WDR86: variants seen among roughly 807,000 people sequenced by gnomAD.
WDR86 encodes WD repeat-containing protein 86.
WDR86 carries 30 observed loss-of-function variants against 36.5 expected under a neutral mutation model. The observed-to-expected ratio is 0.82, with a 90% CI of 0.61 to 1.11. The LOEUF is 1.11. WDR86 is among the 50% of genes most tolerant of loss of function. WDR86 has a pLI of 0.00. For missense variants in WDR86, 545 were observed against 561.2 expected, an observed-to-expected ratio of 0.97 and a Z score of 0.29; for synonymous variants, 255 against 252.9, an observed-to-expected ratio of 1.01 and a Z score of -0.08.
At chr7:151,371,647 C>T (rs147429602), downstream of WDR86, among the ~76,000 whole-genome samples, 613 of 152,310 alleles carry the variant, frequency 4.0e-3, 8 homozygotes, top group African/African-American at 0.014. Context: ...AGAAAGTGAG[C>T]TCCTATCGGA....
downstream of WDR86, chr7:151,376,585 C>G (rs1450886579): frequency 3.3e-6 from 5 of 1,523,712 alleles, no homozygotes; most frequent in Non-Finnish European, 4.4e-6. Flanking sequence ...ACGGGGGTGG[C>G]AGAAGAGGCG....
At chr7:151,383,981 G>A (rs1053356690) in intron 4 of WDR86, among the ~76,000 whole-genome samples, 5 of 152,198 alleles carry the variant, frequency 3.3e-5, no homozygotes, top group Admixed American at 2.6e-4. Flanking sequence ...CCAGACTTGG[G>A]AACAGAGCCG....
At position 151,385,156 on chromosome 7, in the gene WDR86, C is replaced by T. The variant is rs377618309; in HGVS notation, c.794G>A (p.Gly265Glu). Reference protein sequence around the residue: ...RTVKCWLADTGECVRTFTAHR... With the variant: ...RTVKCWLADTEECVRTFTAHR... ...GGCCGTGAACGTGCGCACACACTCC[C>T]CTGTGTCTGCCAGCCAGCACTTGAC... Residue 265 changes from glycine (G) to glutamate (E), a missense_variant, in exon 4 of 6, where the codon GGG becomes GAG. Gly to Glu is a moderately conservative substitution (Grantham distance 98). Coordinates refer to ENST00000334493, the MANE Select transcript of WDR86 (RefSeq NM_198285.3). The T allele has an allele frequency of 6.2e-7, 1 of 1,613,054 alleles. No individual in the cohort carries two copies. Among genetic ancestry groups the T allele is most frequent in the African/African-American group, 1.3e-5 (1 of 74,934 alleles).
In WDR86 at chr7:151,388,667, C is replaced by G. The variant is rs945421395; in HGVS notation, c.727-3444G>C. ...AAAGGCGAGGGAGGCAGAGGCCCCT[C>G]TGGGCACGGTGGTTTCTCAGGACCT... On this transcript the variant is annotated intron_variant, in intron 3 of 5. Transcript: ENST00000334493. This position sits in a 1 kb window ranked among gnomAD's most constrained non-coding sequence, Gnocchi z 4.2. Among the ~76,000 whole-genome samples, 11 of 152,242 alleles carry G rather than the reference C, an allele frequency of 7.2e-5. No individual in the cohort carries two copies. The highest frequency in any genetic ancestry group is 2.7e-4 in the African/African-American group (11 of 41,476).
At chr7:151,376,315 C>T (rs550886920), downstream of WDR86, 20 of 479,434 alleles carry the variant, frequency 4.2e-5, no homozygotes, top group African/African-American at 2.1e-4. Flanking sequence ...TGCCCCTACA[C>T]GCGTTAGCAC....
Position 151,409,290 on chromosome 7 carries a change from GC to G in WDR86, c.163+136del. 7.4e-7 allele frequency: 1 copy of G among 1,351,718 alleles called. No individual in the cohort carries two copies. Among genetic ancestry groups the G allele is most frequent in the Non-Finnish European group, 1.0e-6 (1 of 986,188 alleles). The allele number at this position is 1,351,718 out of a possible 1,614,324, so 83.7% of individuals were successfully genotyped here. On this transcript the variant is annotated intron_variant, in intron 1 of 5. Transcript: ENST00000334493. The surrounding 1 kb of genome is among the most constrained non-coding windows in gnomAD (Gnocchi z 5.2). ...ACAGCCAGATGCTGGGCCCAGACAAGCGCTCTTCCGCTAGTGTGCCGGGATG... is the reference window on the plus strand; with the variant it reads ...ACAGCCAGATGCTGGGCCCAGACAAGGCTCTTCCGCTAGTGTGCCGGGATG...
chr7:151,375,729 C>G, downstream of WDR86: 1 of 682,738 alleles, frequency 1.5e-6, no homozygotes, highest in East Asian at 2.7e-5. Context: ...GAGCCCCTTT[C>G]TCTGCCTCAT....
chr7:151,368,974 T>C, the WDR86 span: 2 of 1,327,850 alleles, frequency 1.5e-6, no homozygotes, highest in Admixed American at 3.1e-5. Flanking sequence ...CCAGGAACTC[T>C]TTATTACTCC....
intron 4 of WDR86, among the ~76,000 whole-genome samples, chr7:151,384,243 T>C (rs1234035745): frequency 6.6e-6 from 1 of 152,194 alleles, no homozygotes; most frequent in African/African-American, 2.4e-5. Context: ...AGACAGCAGG[T>C]TGCCTGCCCA....
chr7:151,381,415 TG>T lies in WDR86; in HGVS notation c.*166del. The T allele has an allele frequency of 6.7e-7, 1 of 1,487,920 alleles. No individual in the cohort carries two copies. Among genetic ancestry groups the T allele is most frequent in the Non-Finnish European group, 8.9e-7 (1 of 1,126,932 alleles). The allele number at this position is 1,487,920 out of a possible 1,614,324, so 92.2% of individuals were successfully genotyped here. On this transcript the variant is annotated 3_prime_UTR_variant, in exon 6 of 6. Transcript: ENST00000334493. This position sits in a 1 kb window ranked among gnomAD's most constrained non-coding sequence, Gnocchi z 4.8. The stretch of plus-strand genomic sequence containing the variant: ...GAGCACTCCCGCTCCCAGCGCCTCC[TG>T]GCCACCAAAGAAAAACCAGACGCCT...
intron 3 of WDR86, among the ~76,000 whole-genome samples, chr7:151,392,785 T>C (rs1799528232): frequency 6.6e-6 from 1 of 152,180 alleles, no homozygotes; most frequent in Non-Finnish European, 1.5e-5. Context: ...TTGCCTTCCT[T>C]CTGTCTTTAC....
chr7:151,402,070 A>AAAAAAAAAAT, intron 1 of WDR86, among the ~76,000 whole-genome samples: 17 of 50,530 alleles, frequency 3.4e-4, no homozygotes, highest in African/African-American at 1.8e-3. Flanking sequence ...AAAAAAAAAA[A>AAAAAAAAAAT]ATATATATAT....
chr7:151,408,850 T>TCTAC (rs1443121357), intron 1 of WDR86: 1 of 464,810 alleles, frequency 2.2e-6, no homozygotes, highest in Non-Finnish European at 4.5e-6. Context: ...CAGACTGCCA[T>TCTAC]CTACCCCTCA....
chr7:151,409,499 G>GCAGGCGCTGCCCGTCGGGGCT lies in WDR86; in HGVS notation c.70_90dup (p.Ser24_Leu30dup). Reference sequence around the variant, plus strand: ...GCCGTGCCGTCCTCGCTGCCCGTCAGCAGGCGCTGCCCGTCGGGGCTCAGG... The same window carrying GCAGGCGCTGCCCGTCGGGGCT: ...GCCGTGCCGTCCTCGCTGCCCGTCAGCAGGCGCTGCCCGTCGGGGCTCAGGCGCTGCCCGTCGGGGCTCAGG... On this transcript the variant is annotated inframe_insertion, in exon 1 of 6. Transcript: ENST00000334493. The surrounding 1 kb of genome is among the most constrained non-coding windows in gnomAD (Gnocchi z 5.2). The GCAGGCGCTGCCCGTCGGGGCT allele has an allele frequency of 6.5e-7, 1 of 1,533,500 alleles. No individual in the cohort carries two copies. 95.0% of individuals were successfully genotyped at this position (1,533,500 alleles called of 1,614,324 possible). A position where few individuals can be genotyped will look rare whatever the true frequency, so the allele number is the denominator to read the frequency against.
intron 3 of WDR86, among the ~76,000 whole-genome samples, chr7:151,395,451 G>T (rs971571410): frequency 1.3e-5 from 2 of 151,712 alleles, no homozygotes; most frequent in Non-Finnish European, 2.9e-5. Context: ...TCATAGGGGG[G>T]CCCTAATCCA....
Position 151,381,481 on chromosome 7 carries a change from G to A in WDR86, c.*101C>T, listed in dbSNP as rs1186335541. The A allele has an allele frequency of 4.1e-6, 6 of 1,469,488 alleles. No homozygotes were observed. Among genetic ancestry groups the A allele is most frequent in the South Asian group, 3.9e-5 (3 of 77,304 alleles). 91.0% of individuals were successfully genotyped at this position (1,469,488 alleles called of 1,614,324 possible). On this transcript the variant is annotated 3_prime_UTR_variant, in exon 6 of 6. Transcript: ENST00000334493. This position sits in a 1 kb window ranked among gnomAD's most constrained non-coding sequence, Gnocchi z 4.8. Reference sequence around the variant, plus strand: ...TCCCGCCCGGGCTTCCTCGCTCCTCGCCCCTCGCCGGCCATCGGGCGCCAC... The same window carrying A: ...TCCCGCCCGGGCTTCCTCGCTCCTCACCCCTCGCCGGCCATCGGGCGCCAC...
intron 3 of WDR86, among the ~76,000 whole-genome samples, chr7:151,389,737 G>A (rs538546268): frequency 2.0e-5 from 3 of 152,308 alleles, no homozygotes; most frequent in African/African-American, 7.2e-5. Context: ...GGAGAAGGAC[G>A]CCTGGAAGTG....
chr7:151,390,904 T>C lies in WDR86; in HGVS notation c.726+4872A>G, dbSNP rs1272416359. ...GCATGGAAGAGCAGCGGGGAGTCAG[T>C]GTTTAATGGGGACAGAGTTCTGATT... On this transcript the variant is annotated intron_variant, in intron 3 of 5. Transcript: ENST00000334493. The surrounding 1 kb of genome is among the most constrained non-coding windows in gnomAD (Gnocchi z 4.5). 6.6e-6 allele frequency among the ~76,000 whole-genome samples: 1 copy of C among 152,194 alleles called. No homozygotes were observed. Among genetic ancestry groups the C allele is most frequent in the Non-Finnish European group, 1.5e-5 (1 of 68,030 alleles).
At chr7:151,408,092 C>T (rs1165000179) in intron 1 of WDR86, among the ~76,000 whole-genome samples, 1 of 152,038 alleles carries the variant, frequency 6.6e-6, no homozygotes, top group Admixed American at 6.6e-5. Context: ...TTTGTGGCCA[C>T]CTCTCCATTA....
Sources: gnomAD v4.1 joint callset for allele counts (sites outside exome capture counted in the v4.1 genomes callset) on GRCh38, gnomAD v4.1.1 for gene constraint, Gnocchi (gnomAD v3.1) non-coding constraint, MANE v1.5 for transcripts, NCBI Gene and HGNC (gene_info 2026-07-23, HGNC 2026-07-21) for gene names.